The following ANO4 variants were observed in gnomAD, a reference collection of about 807,000 sequenced individuals.
ANO4 encodes anoctamin 4.
Under a neutral mutation model 141.9 loss-of-function variants are expected in ANO4, and 69 were observed. The ratio of observed to expected loss-of-function variants is 0.49; its 90% CI spans 0.40 to 0.59. The LOEUF is 0.59. Among genes scored for constraint, ANO4 ranks in the 20% least tolerant of loss-of-function variants. The probability of loss-of-function intolerance (pLI) is 0.00; values close to 1 mark genes in which losing one functional copy is unlikely to be tolerated. For synonymous variants in ANO4, 350 were observed against 394.3 expected, an observed-to-expected ratio of 0.89 and a Z score of 1.33; for missense variants, 894 against 1,162.2, an observed-to-expected ratio of 0.77 and a Z score of 3.36.
intron 8 of ANO4, among the ~76,000 whole-genome samples, chr12:101,019,710 T>A (rs997410758): frequency 3.3e-5 from 5 of 152,172 alleles, no homozygotes; most frequent in African/African-American, 1.2e-4. Context: ...AAATGAATTT[T>A]TAGTTGAATT....
chr12:100,925,517 G>C (rs921076548), intron 3 of ANO4, among the ~76,000 whole-genome samples: 2 of 151,614 alleles, frequency 1.3e-5, no homozygotes, highest in African/African-American at 2.4e-5. Context: ...CTAGAGGAGG[G>C]ATAGCATTAG....
intron 9 of ANO4, among the ~76,000 whole-genome samples, chr12:101,032,129 A>G (rs1481961512): frequency 6.6e-6 from 1 of 152,222 alleles, no homozygotes; most frequent in African/African-American, 2.4e-5. Flanking sequence ...AGCCAAGACA[A>G]TCGTAACCAA....
chr12:100,864,840 C>A (rs1205796356), intron 1 of ANO4, among the ~76,000 whole-genome samples: 1 of 152,146 alleles, frequency 6.6e-6, no homozygotes, highest in African/African-American at 2.4e-5. Flanking sequence ...CTCCCCTAAC[C>A]CCCGACACCC....
chr12:100,955,383 G>T (rs773590172), intron 5 of ANO4, among the ~76,000 whole-genome samples: 15 of 152,204 alleles, frequency 9.9e-5, no homozygotes, highest in Non-Finnish European at 2.1e-4. Context: ...AGTCAGGGTT[G>T]TGGGCTGTGG....
intron 25 of ANO4, among the ~76,000 whole-genome samples, chr12:101,119,056 T>G (rs963158088): frequency 1.3e-5 from 2 of 152,074 alleles, no homozygotes; most frequent in African/African-American, 4.8e-5. Context: ...CTCATCCTTT[T>G]TTATGGCTGC....
intron 1 of ANO4, among the ~76,000 whole-genome samples, chr12:100,851,070 T>G (rs1438052063): frequency 3.3e-5 from 5 of 152,174 alleles, no homozygotes; most frequent in Non-Finnish European, 7.4e-5. Context: ...TATCTTGCTA[T>G]GCATATTGCA....
At chr12:100,875,837 G>T (rs1330253125) in intron 1 of ANO4, among the ~76,000 whole-genome samples, 1 of 152,008 alleles carries the variant, frequency 6.6e-6, no homozygotes, top group Non-Finnish European at 1.5e-5. Context: ...GAGCACTGAG[G>T]TAGAGAGGTC....
intron 3 of ANO4, among the ~76,000 whole-genome samples, chr12:100,768,718 A>G (rs2033183009): frequency 6.6e-6 from 1 of 152,136 alleles, no homozygotes; most frequent in South Asian, 2.1e-4. Context: ...CTTTTATGTT[A>G]ATGGTTTTAC....
intron 24 of ANO4, among the ~76,000 whole-genome samples, chr12:101,114,567 A>C (rs1234029158): frequency 6.6e-6 from 1 of 152,210 alleles, no homozygotes; most frequent in Non-Finnish European, 1.5e-5. Flanking sequence ...AGAACAACCA[A>C]TGGACAGTAG....
chr12:100,895,710 C>T (rs1419286090), intron 1 of ANO4, among the ~76,000 whole-genome samples: 1 of 151,658 alleles, frequency 6.6e-6, no homozygotes, highest in Non-Finnish European at 1.5e-5. Flanking sequence ...GACAGGCACC[C>T]ACCACCATGC....
At chr12:100,803,425 C>T (rs1269237477) in intron 1 of ANO4, among the ~76,000 whole-genome samples, 1 of 152,158 alleles carries the variant, frequency 6.6e-6, no homozygotes, top group South Asian at 2.1e-4. Flanking sequence ...TATAGAACAT[C>T]TGAGTGAGCT....
At chr12:101,107,353 T>G (rs987458795) in intron 22 of ANO4, among the ~76,000 whole-genome samples, 12 of 152,154 alleles carry the variant, frequency 7.9e-5, no homozygotes, top group African/African-American at 2.9e-4. Context: ...TGTTTCTACT[T>G]TCATGAAGCT....
rs1299577490 is a variant in ANO4 at position 100,946,236 on chromosome 12, A to G, written c.456+3701A>G. Reference sequence around the variant, plus strand: ...TGGAAGCCTTAGTGATCACTGGGGGATGTTAGCTTTTCTCTGAGTGACATA... The same window carrying G: ...TGGAAGCCTTAGTGATCACTGGGGGGTGTTAGCTTTTCTCTGAGTGACATA... On this transcript the variant is annotated intron_variant, in intron 5 of 27. Transcript: ENST00000392977. Among the ~76,000 whole-genome samples, 2 of 152,148 alleles carry G rather than the reference A, an allele frequency of 1.3e-5. 1 individual carries two copies. Among genetic ancestry groups the G allele is most frequent in the Non-Finnish European group, 2.9e-5 (2 of 68,028 alleles).
chr12:100,848,871 C>G (rs1017402171), intron 1 of ANO4, among the ~76,000 whole-genome samples: 4 of 152,198 alleles, frequency 2.6e-5, no homozygotes, highest in Non-Finnish European at 5.9e-5. Context: ...GGTGCCTTAT[C>G]TCTTCCCTTT....
At chr12:101,078,086 G>A (rs1188038938) in intron 14 of ANO4, among the ~76,000 whole-genome samples, 1 of 152,142 alleles carries the variant, frequency 6.6e-6, no homozygotes, top group African/African-American at 2.4e-5. Flanking sequence ...TACTACTAAG[G>A]AGGAAGTAAT....
At chr12:101,045,616 GAC>G (rs2047587776) in intron 13 of ANO4, among the ~76,000 whole-genome samples, 1 of 152,148 alleles carries the variant, frequency 6.6e-6, no homozygotes, top group Non-Finnish European at 1.5e-5. Flanking sequence ...CTGTATCCTT[GAC>G]TCTTGTGTTT....
At chr12:100,820,187 G>T (rs867927692) in intron 1 of ANO4, among the ~76,000 whole-genome samples, 2 of 151,700 alleles carry the variant, frequency 1.3e-5, no homozygotes, top group South Asian at 2.1e-4. Flanking sequence ...CAGAAGGGGG[G>T]GCCCTCCCAC....
intron 2 of ANO4, among the ~76,000 whole-genome samples, chr12:100,908,362 A>G (rs1207269809): frequency 1.3e-5 from 2 of 152,190 alleles, no homozygotes; most frequent in Non-Finnish European, 2.9e-5. Flanking sequence ...AAACAAAAAC[A>G]AAACAAAACA....
intron 1 of ANO4, among the ~76,000 whole-genome samples, chr12:100,722,388 G>A (rs1243061348): frequency 6.6e-6 from 1 of 152,000 alleles, no homozygotes; most frequent in East Asian, 1.9e-4. Flanking sequence ...CTCTGTGTAG[G>A]GCTAAAAATT....
Sources: allele counts gnomAD v4.1 joint callset (sites outside exome capture counted in the v4.1 genomes callset), GRCh38; gene constraint gnomAD v4.1.1; transcripts MANE v1.5; gene names NCBI Gene and HGNC (gene_info 2026-07-23, HGNC 2026-07-21).